DNAH9: variants seen among roughly 807,000 people sequenced by gnomAD.
The protein encoded by DNAH9 is dynein axonemal heavy chain 9.
DNAH9 carries 345 observed loss-of-function variants against 471.6 expected under a neutral mutation model. That is an observed-to-expected ratio of 0.73 (90% CI 0.67 to 0.80). The LOEUF (loss-of-function observed/expected upper bound fraction) is 0.80, where lower values mean the gene tolerates loss of function less well. Among genes scored for constraint, DNAH9 ranks in the 30% least tolerant of loss-of-function variants. The pLI is 0.00. For missense variants in DNAH9, 5,407 were observed against 5,609.2 expected (o/e 0.96, Z 1.15); for synonymous variants, 2,093 against 2,123.6 (o/e 0.99, Z 0.40).
In DNAH9 at chr17:11,969,369, A is replaced by T. The variant is rs143988805; in HGVS notation, c.13303A>T (p.Ile4435Phe). The part of the protein sequence containing the change: ...PPMPVMFIKA[I>F]PADKQDCRSV... ...TATGCCTGTGATGTTCATCAAGGCC[A>T]TTCCTGCAGATAAGCAGGACTGCCG... Residue 4435 changes from isoleucine to phenylalanine, a missense_variant, in exon 69 of 69, where the codon ATT (isoleucine) becomes TTT (phenylalanine). Physicochemically the swap from Ile to Phe is conservative, Grantham distance 21. Transcript: ENST00000262442. The T allele has an allele frequency of 1.2e-6, 2 of 1,614,154 alleles. No homozygotes were observed. The highest frequency in any genetic ancestry group is 1.7e-6 in the Non-Finnish European group (2 of 1,180,022).
rs769196975 is a variant in DNAH9 at position 11,669,799 on chromosome 17, A to G, written c.3353+5A>G. The G allele has an allele frequency of 6.2e-7, 1 of 1,611,152 alleles. No individual in the cohort carries two copies. The highest frequency in any genetic ancestry group is 8.5e-7 in the Non-Finnish European group (1 of 1,177,938). ...TGTGGACCACGTCACTCACAGGTACAACAGTTGTTTTCACTTTCTTCCAGC... is the reference window on the plus strand; with the variant it reads ...TGTGGACCACGTCACTCACAGGTACGACAGTTGTTTTCACTTTCTTCCAGC... On this transcript the variant is annotated splice_donor_5th_base_variant and intron_variant, in intron 17 of 68. Transcript: ENST00000262442.
At chr17:11,710,957 T>TATCAG (rs2074817380) in intron 26 of DNAH9, among the ~76,000 whole-genome samples, 1 of 152,198 alleles carries the variant, frequency 6.6e-6, no homozygotes, top group African/African-American at 2.4e-5. Flanking sequence ...AACTAGGAGA[T>TATCAG]ATCAGGGTTT....
rs544415571 is a variant in DNAH9 at position 11,752,239 on chromosome 17, G to A, written c.6611-594G>A. Among the ~76,000 whole-genome samples, 31 of 152,216 alleles carry A rather than the reference G, an allele frequency of 2.0e-4. No homozygotes were observed. In the East Asian group the frequency reaches 4.8e-3, roughly 24 times the overall value. On this transcript the variant is annotated intron_variant, in intron 32 of 68. Transcript: ENST00000262442. ...CCAAAGCTTGTGTTTGGCAAGATTC[G>A]CCAAGACTGCAATTACAAAGCATGA... is the stretch of plus-strand genomic sequence containing the variant.
At position 11,669,648 on chromosome 17, in the gene DNAH9, T is replaced by C; in HGVS notation, c.3207T>C (p.Tyr1069=). The change falls in exon 17 of 69, where the codon TAT becomes TAC. Residue 1069 remains tyrosine, a synonymous_variant. Coordinates refer to ENST00000262442, the MANE Select transcript of DNAH9 (RefSeq NM_001372.4). ...AAATCGACTCCTATGAAACGCTCTA[T>C]GAAGAGGTGTGCAGGCTGGAACCCA... ...KVQIDSYETL[Y]EEVCRLEPIK... 1 of 1,614,186 alleles carries C rather than the reference T, an allele frequency of 6.2e-7. No homozygotes were observed. The highest frequency in any genetic ancestry group is 8.5e-7 in the Non-Finnish European group (1 of 1,180,018).
At chr17:11,905,033 A>T (rs1973542416) in intron 60 of DNAH9, among the ~76,000 whole-genome samples, 3 of 151,946 alleles carry the variant, frequency 2.0e-5, no homozygotes, top group Admixed American at 2.0e-4. Flanking sequence ...GGAGATCGAG[A>T]CCATCCTGGC....
At chr17:11,758,978 A>G (rs1488894828) in intron 35 of DNAH9, among the ~76,000 whole-genome samples, 1 of 152,266 alleles carries the variant, frequency 6.6e-6, no homozygotes, top group Non-Finnish European at 1.5e-5. Context: ...TGTAGCTAAA[A>G]AAGTCTGGAA....
chr17:11,674,928 T>C (rs867122391), intron 17 of DNAH9, among the ~76,000 whole-genome samples: 1 of 152,188 alleles, frequency 6.6e-6, no homozygotes, highest in African/African-American at 2.4e-5. Flanking sequence ...TCCACCTGGA[T>C]CATTTTCATC....
intron 35 of DNAH9, among the ~76,000 whole-genome samples, chr17:11,760,581 G>A (rs1395769559): frequency 2.6e-5 from 4 of 151,704 alleles, no homozygotes; most frequent in Admixed American, 6.6e-5. Flanking sequence ...GTGCAGTGGC[G>A]CGATCTTGGC....
At chr17:11,797,509 T>C (rs2150912338) in intron 42 of DNAH9, 88 bp from the exon 43 acceptor site, 1 of 1,081,762 alleles carries the variant, frequency 9.2e-7, no homozygotes, top group Non-Finnish European at 1.3e-6. Context: ...TTCCAGGGAA[T>C]GTGCAGAGCA....
At chr17:11,686,169 C>T (rs772975677) in intron 19 of DNAH9, among the ~76,000 whole-genome samples, 1 of 152,106 alleles carries the variant, frequency 6.6e-6, no homozygotes, top group Non-Finnish European at 1.5e-5. Context: ...ACAGACGGTA[C>T]TGAGATTCCC....
At chr17:11,747,449 G>A in intron 31 of DNAH9, 107 bp from the exon 32 acceptor site, 2 of 808,828 alleles carry the variant, frequency 2.5e-6, no homozygotes, top group Non-Finnish European at 4.2e-6. Flanking sequence ...CTCTTCCTCT[G>A]TTGACTTCAG....
intron 36 of DNAH9, 84 bp downstream of exon 36, chr17:11,763,698 G>T (rs1417935140): frequency 1.5e-6 from 2 of 1,326,676 alleles, no homozygotes; most frequent in Non-Finnish European, 2.1e-6. Flanking sequence ...TGGAAGACAG[G>T]ACAGCTAAAT....
chr17:11,833,204 C>G (rs1039067578), intron 48 of DNAH9, among the ~76,000 whole-genome samples: 2 of 152,214 alleles, frequency 1.3e-5, no homozygotes, highest in East Asian at 3.9e-4. Context: ...ATTACTGCCT[C>G]CAGGTGTCAT....
chr17:11,685,422 C>T (rs527292635), intron 19 of DNAH9, among the ~76,000 whole-genome samples: 1 of 152,254 alleles, frequency 6.6e-6, no homozygotes, highest in South Asian at 2.1e-4. Context: ...ATAATCTCAG[C>T]CACTGAGGAG....
chr17:11,791,044 C>A (rs1265961713), intron 41 of DNAH9, among the ~76,000 whole-genome samples: 1 of 152,116 alleles, frequency 6.6e-6, no homozygotes, highest in Non-Finnish European at 1.5e-5. Context: ...TTTTCCATTG[C>A]TCTTTATTCC....
intron 26 of DNAH9, among the ~76,000 whole-genome samples, chr17:11,710,726 A>G (rs1025871896): frequency 6.6e-6 from 1 of 152,210 alleles, no homozygotes; most frequent in East Asian, 1.9e-4. Flanking sequence ...AGATCAATTT[A>G]ATATTGCACT....
At chr17:11,863,006 C>T (rs1023712681) in intron 50 of DNAH9, among the ~76,000 whole-genome samples, 1 of 152,188 alleles carries the variant, frequency 6.6e-6, no homozygotes, top group East Asian at 1.9e-4. Flanking sequence ...ATTGAATACC[C>T]TTTATTTCCT....
intron 24 of DNAH9, among the ~76,000 whole-genome samples, chr17:11,702,279 G>C (rs543840141): frequency 1.3e-5 from 2 of 152,356 alleles, no homozygotes; most frequent in East Asian, 1.9e-4. Flanking sequence ...TTCTGAGATA[G>C]AGTGGAATTC....
intron 6 of DNAH9, chr17:11,620,062 CAACAA>C (rs1488281207): frequency 1.4e-5 from 6 of 425,722 alleles, no homozygotes; most frequent in Non-Finnish European, 2.1e-5. Flanking sequence ...AATACAACAA[CAACAA>C]AATAGCCAGG....
Sources: allele counts gnomAD v4.1 joint callset (sites outside exome capture counted in the v4.1 genomes callset), GRCh38; gene constraint gnomAD v4.1.1; transcripts MANE v1.5; gene names NCBI Gene and HGNC (gene_info 2026-07-23, HGNC 2026-07-21).